Variants in PLXNA4 observed in about 807,000 individuals in gnomAD.
PLXNA4 encodes plexin A4.
A neutral mutation model predicts 191.8 loss-of-function variants in PLXNA4; 44 were observed. The ratio of observed to expected loss-of-function variants is 0.23; its 90% CI spans 0.18 to 0.29. The LOEUF (loss-of-function observed/expected upper bound fraction) is 0.29. Among genes scored for constraint, PLXNA4 ranks in the 10% least tolerant of loss-of-function variants. The pLI is 1.00. For synonymous variants in PLXNA4, 1,082 were observed against 1,009.5 expected (o/e 1.07, Z -1.36); for missense variants, 1,800 against 2,488.8 (o/e 0.72, Z 5.89).
intron 3 of PLXNA4, among the ~76,000 whole-genome samples, chr7:132,298,675 T>C (rs188372919): frequency 6.6e-6 from 1 of 152,388 alleles, no homozygotes; most frequent in East Asian, 1.9e-4. Flanking sequence ...CTGGATGTCA[T>C]TGCTGTTCCT....
intron 2 of PLXNA4, among the ~76,000 whole-genome samples, chr7:132,588,993 A>G (rs939078656): frequency 6.6e-6 from 1 of 152,198 alleles, no homozygotes; most frequent in Non-Finnish European, 1.5e-5. Context: ...ATGGGACTAT[A>G]AAGATTTTTT....
At position 132,129,001 on chromosome 7, in the gene PLXNA4, G is replaced by C. The variant is rs1363799664; in HGVS notation, c.*1478C>G. 1 of 152,238 alleles carries C rather than the reference G, an allele frequency of 6.6e-6. No individual in the cohort carries two copies. Among genetic ancestry groups the C allele is most frequent in the African/African-American group, 2.4e-5 (1 of 41,446 alleles). 9.4% of individuals were successfully genotyped at this position (152,238 alleles called of 1,614,324 possible). A position where few individuals can be genotyped will look rare whatever the true frequency, so the allele number is the denominator to read the frequency against. On this transcript the variant is annotated 3_prime_UTR_variant, in exon 32 of 32. Transcript: ENST00000321063. ...TCTCCCCATAGCCTCTGCTTACCTA[G>C]TATCAATTTCTAGGCACACATTTGC...
At chr7:132,259,196 C>T (rs571078576) in intron 4 of PLXNA4, among the ~76,000 whole-genome samples, 2 of 152,124 alleles carry the variant, frequency 1.3e-5, no homozygotes, top group East Asian at 3.9e-4. Context: ...TGGATGGACC[C>T]TCCATCTACA....
At chr7:132,135,062 A>T (rs1328177861) in intron 30 of PLXNA4, among the ~76,000 whole-genome samples, 1 of 152,230 alleles carries the variant, frequency 6.6e-6, no homozygotes. Context: ...ATAGTGGGAC[A>T]CCAGAGATTT....
intron 25 of PLXNA4, among the ~76,000 whole-genome samples, chr7:132,149,690 T>C (rs1165828857): frequency 6.6e-6 from 1 of 152,256 alleles, no homozygotes; most frequent in African/African-American, 2.4e-5. Context: ...CTGATACTTC[T>C]GAAATGTGCA....
At chr7:132,381,195 A>G (rs1401605791) in intron 3 of PLXNA4, among the ~76,000 whole-genome samples, 1 of 152,166 alleles carries the variant, frequency 6.6e-6, no homozygotes, top group East Asian at 1.9e-4. Flanking sequence ...CTTGTTATAG[A>G]TGGGGAAACT....
intron 3 of PLXNA4, among the ~76,000 whole-genome samples, chr7:132,368,440 G>A (rs1210772586): frequency 6.6e-6 from 1 of 152,168 alleles, no homozygotes; most frequent in East Asian, 1.9e-4. Context: ...GGCCTGCCAG[G>A]CATCCAGGGA....
chr7:132,264,909 G>A (rs1478355545), intron 4 of PLXNA4, among the ~76,000 whole-genome samples: 1 of 152,104 alleles, frequency 6.6e-6, no homozygotes, highest in Non-Finnish European at 1.5e-5. Context: ...TGTTGGCCAG[G>A]CTGGTCTCAG....
chr7:132,350,874 G>T (rs79585293), intron 3 of PLXNA4, among the ~76,000 whole-genome samples: 4,533 of 152,194 alleles, frequency 0.03, 189 homozygotes, highest in African/African-American at 0.095. Context: ...AGCCAAAAAA[G>T]GAAACAATGC....
At chr7:132,582,859 G>T (rs951595066) in intron 2 of PLXNA4, among the ~76,000 whole-genome samples, 7 of 152,144 alleles carry the variant, frequency 4.6e-5, no homozygotes, top group African/African-American at 1.7e-4. Flanking sequence ...CTTGGCTGTA[G>T]AATAAGAAGG....
intron 2 of PLXNA4, among the ~76,000 whole-genome samples, chr7:132,585,077 A>G (rs989104304): frequency 1.3e-5 from 2 of 152,172 alleles, no homozygotes; most frequent in African/African-American, 4.8e-5. Flanking sequence ...AACGTCCCAG[A>G]GAATGAGACT....
At chr7:132,229,649 T>C (rs1322168416) in intron 5 of PLXNA4, among the ~76,000 whole-genome samples, 2 of 152,042 alleles carry the variant, frequency 1.3e-5, no homozygotes, top group African/African-American at 2.4e-5. Context: ...GGAAGGAAGA[T>C]GTCAGGAGCT....
intron 2 of PLXNA4, among the ~76,000 whole-genome samples, chr7:132,585,435 G>A (rs1461559706): frequency 6.6e-6 from 1 of 152,108 alleles, no homozygotes; most frequent in African/African-American, 2.4e-5. Flanking sequence ...TTTTGCAAAA[G>A]GGGAAAATAA....
chr7:132,574,306 C>T (rs1204279855), intron 1 of PLXNA4, among the ~76,000 whole-genome samples: 3 of 152,210 alleles, frequency 2.0e-5, no homozygotes, highest in Non-Finnish European at 4.4e-5. Context: ...TTGCCTCTTC[C>T]AGGTCCCATG....
At chr7:132,142,670 A>G (rs1318107132) in intron 29 of PLXNA4, among the ~76,000 whole-genome samples, 3 of 152,324 alleles carry the variant, frequency 2.0e-5, no homozygotes. Flanking sequence ...AATCCCTAAT[A>G]GGAAATAATG....
intron 1 of PLXNA4, among the ~76,000 whole-genome samples, chr7:132,567,125 T>C (rs542733203): frequency 1.3e-5 from 2 of 152,190 alleles, no homozygotes; most frequent in African/African-American, 2.4e-5. Context: ...AAAGAATAAA[T>C]AGGTTTCCCA....
rs138506264 is a variant in PLXNA4, at chr7:132,389,230, T to C, written c.1372-91008A>G. On this transcript the variant is annotated intron_variant, in intron 3 of 31. Coordinates refer to ENST00000321063, the MANE Select transcript of PLXNA4 (RefSeq NM_020911.2). ...TTCTGTAGGTTCCTGTTCACTCTGA[T>C]GATAGTTTCCTTTGCTGTGCAGAAG... Among the ~76,000 whole-genome samples, 49 of 152,344 alleles carry C rather than the reference T, an allele frequency of 3.2e-4. No homozygotes were observed. The East Asian group carries it at 6.0e-3, about 19-fold the overall frequency.
At position 132,140,580 on chromosome 7, in the gene PLXNA4, T is replaced by C; in HGVS notation, c.5438+19A>G. The C allele has an allele frequency of 6.2e-7, 1 of 1,611,024 alleles. No homozygotes were observed. On this transcript the variant is annotated intron_variant, in intron 30 of 31. Transcript: ENST00000321063. ...CTCCAGCAAGGGGCCCTGACTTGGC[T>C]CCGTGGCCCAGCACTCACCTCTCCA...
At chr7:132,636,261 C>G (rs1803603588) in intron 2 of PLXNA4, among the ~76,000 whole-genome samples, 1 of 152,134 alleles carries the variant, frequency 6.6e-6, no homozygotes, top group African/African-American at 2.4e-5. Flanking sequence ...TCTGGGAGTG[C>G]AGGGGCCTAG....
Sources: allele counts gnomAD v4.1 joint callset (sites outside exome capture counted in the v4.1 genomes callset), GRCh38; gene constraint gnomAD v4.1.1; transcripts MANE v1.5; gene names NCBI Gene and HGNC (gene_info 2026-07-23, HGNC 2026-07-21).